Variants in SRBD1 observed in about 807,000 individuals in gnomAD.
SRBD1 encodes the protein S1 RNA binding domain 1.
A neutral mutation model predicts 115.3 loss-of-function variants in SRBD1; 88 were observed. That is an observed-to-expected ratio of 0.76 (90% CI 0.64 to 0.91). SRBD1 has a LOEUF of 0.91. Ranked by LOEUF, SRBD1 falls within the 40% of genes least tolerant of loss-of-function variation. SRBD1 has a pLI of 0.00. For missense variants in SRBD1, 1,385 were observed against 1,177.4 expected (o/e 1.18, Z -2.58); for synonymous variants, 509 against 407.7 (o/e 1.25, Z -2.99).
At chr2:45,414,817 T>TATAGTATGTACACAC (rs1667751007) in intron 18 of SRBD1, among the ~76,000 whole-genome samples, 1 of 133,158 alleles carries the variant, frequency 7.5e-6, no homozygotes, top group Non-Finnish European at 1.6e-5. Context: ...CACACACATA[T>TATAGTATGTACACAC]AGTGTGTATA....
In SRBD1 at chr2:45,601,898, C is replaced by T; in HGVS notation, c.261+5G>A. 6.2e-7 allele frequency: 1 copy of T among 1,613,956 alleles called. No homozygotes were observed. The highest frequency in any genetic ancestry group is 8.5e-7 in the Non-Finnish European group (1 of 1,179,880). ...GAGTTCCCTCTATCCAGCTGTAGCA[C>T]CTACCAGCTCCTCCTTAACAACAAC... On this transcript the variant is annotated splice_donor_5th_base_variant and intron_variant, in intron 3 of 20. Coordinates refer to ENST00000263736, the MANE Select transcript of SRBD1 (RefSeq NM_018079.5).
intron 2 of SRBD1, 69 bp from the exon 3 acceptor site, chr2:45,602,152 C>T: frequency 1.3e-6 from 2 of 1,510,330 alleles, no homozygotes; most frequent in Non-Finnish European, 1.8e-6. Flanking sequence ...AAAAGAGATG[C>T]AAGATTCTTG....
rs375466248 is a variant in SRBD1 at position 45,409,366 on chromosome 2, A to G, written c.2513+3748T>C. 8.6e-4 allele frequency among the ~76,000 whole-genome samples: 131 copies of G among 152,284 alleles called. 1 individual carries two copies. The highest frequency in any genetic ancestry group is 3.1e-3 in the African/African-American group (127 of 41,564). ...TGTGCACATATGCACCTTCTCATCA[A>G]ACACTAAAAATACAATTATTATGGA... On this transcript the variant is annotated intron_variant, in intron 19 of 20. Transcript: ENST00000263736.
At chr2:45,480,246 T>C (rs1669920705) in intron 15 of SRBD1, among the ~76,000 whole-genome samples, 1 of 152,190 alleles carries the variant, frequency 6.6e-6, no homozygotes, top group South Asian at 2.1e-4. Flanking sequence ...TCAAGTCTTA[T>C]TTTTTAAGAA....
intron 16 of SRBD1, among the ~76,000 whole-genome samples, chr2:45,433,955 G>T (rs1207751160): frequency 6.6e-6 from 1 of 152,204 alleles, no homozygotes; most frequent in Non-Finnish European, 1.5e-5. Flanking sequence ...AAGGGCATCA[G>T]CACTGGAAGG....
At chr2:45,465,146 T>A (rs540393075) in intron 16 of SRBD1, among the ~76,000 whole-genome samples, 1 of 152,208 alleles carries the variant, frequency 6.6e-6, no homozygotes, top group African/African-American at 2.4e-5. Context: ...GTGTAGTATT[T>A]GCATTTAACC....
At chr2:45,408,784 T>C (rs1667509712) in intron 19 of SRBD1, among the ~76,000 whole-genome samples, 1 of 152,134 alleles carries the variant, frequency 6.6e-6, no homozygotes, top group Non-Finnish European at 1.5e-5. Flanking sequence ...GTTCAATCAG[T>C]TGATGAAACA....
At chr2:45,461,542 CA>C in intron 16 of SRBD1, among the ~76,000 whole-genome samples, 1 of 152,236 alleles carries the variant, frequency 6.6e-6, no homozygotes, top group East Asian at 1.9e-4. Context: ...ACTCGTTAGA[CA>C]GACAAGTCCC....
At chr2:45,591,013 C>CA (rs777304180) in intron 4 of SRBD1, among the ~76,000 whole-genome samples, 29,902 of 130,076 alleles carry the variant, frequency 0.23, 3,188 homozygotes, top group Non-Finnish European at 0.25. Flanking sequence ...GTGAAACTCT[C>CA]AAAAAAAAAA....
At chr2:45,589,590 C>G (rs910254726) in intron 4 of SRBD1, among the ~76,000 whole-genome samples, 1 of 152,176 alleles carries the variant, frequency 6.6e-6, no homozygotes, top group South Asian at 2.1e-4. Context: ...CCTAAGACAG[C>G]TAAGACTCCA....
intron 14 of SRBD1, 76 bp downstream of exon 14, chr2:45,546,656 A>T: frequency 7.3e-7 from 1 of 1,363,038 alleles, no homozygotes; most frequent in Non-Finnish European, 1.0e-6. Flanking sequence ...TAAAAAGAGA[A>T]GGGAGGATTC....
At chr2:45,573,156 A>G in intron 9 of SRBD1, 51 bp downstream of exon 9, 1 of 1,508,948 alleles carries the variant, frequency 6.6e-7, no homozygotes, top group Non-Finnish European at 8.8e-7. Flanking sequence ...GCAAATCCAA[A>G]ATATTATCAT....
intron 16 of SRBD1, among the ~76,000 whole-genome samples, chr2:45,421,760 C>G (rs1249778920): frequency 1.3e-5 from 2 of 152,014 alleles, no homozygotes; most frequent in African/African-American, 2.4e-5. Context: ...ACATTATTAC[C>G]ATTTAATAAC....
chr2:45,552,886 CATAG>C (rs1672347248), intron 11 of SRBD1, among the ~76,000 whole-genome samples: 1 of 152,198 alleles, frequency 6.6e-6, no homozygotes, highest in Non-Finnish European at 1.5e-5. Flanking sequence ...ACAAGCCCTA[CATAG>C]GCTGCTAAAA....
intron 4 of SRBD1, among the ~76,000 whole-genome samples, chr2:45,587,476 A>C (rs1673583958): frequency 6.6e-6 from 1 of 152,196 alleles, no homozygotes; most frequent in Admixed American, 6.5e-5. Flanking sequence ...AGTAAAGAAC[A>C]AAAGGAGTAC....
At chr2:45,507,341 T>A (rs13025877) in intron 14 of SRBD1, among the ~76,000 whole-genome samples, 123,246 of 152,100 alleles carry the variant, frequency 0.81, 50,649 homozygotes, top group African/African-American at 0.91. Context: ...GGCTAATGAC[T>A]CTCATTTCAA....
chr2:45,479,327 T>C (rs1046087731), intron 15 of SRBD1, among the ~76,000 whole-genome samples: 23 of 152,068 alleles, frequency 1.5e-4, no homozygotes, highest in Non-Finnish European at 3.4e-4. Flanking sequence ...AAAAGACATG[T>C]TGAAAGCCAA....
rs915712726 is a variant in SRBD1 at position 45,413,268 on chromosome 2, T to C, written c.2359A>G (p.Ile787Val). 1.9e-6 allele frequency: 3 copies of C among 1,613,580 alleles called. No homozygotes were observed. Among genetic ancestry groups the C allele is most frequent in the African/African-American group, 2.7e-5 (2 of 74,908 alleles). Residue 787 changes from isoleucine (I) to valine (V), a missense_variant, in exon 19 of 21, where the codon ATT (isoleucine) becomes GTT (valine). By Grantham distance (29) the Ile-to-Val change is conservative. Transcript: ENST00000263736. ...GAAGATGTCACAGCAACTCCTTGAA[T>C]TTGGCCTGAAGTTTCAGTTTGCTGA... Reference protein sequence around the residue: ...CSQQTETSGQIQGVAVTSSAD... With the variant: ...CSQQTETSGQVQGVAVTSSAD...
At chr2:45,587,631 A>G (rs181215702) in intron 4 of SRBD1, among the ~76,000 whole-genome samples, 1 of 152,232 alleles carries the variant, frequency 6.6e-6, no homozygotes, top group African/African-American at 2.4e-5. Context: ...TCAAGACTAC[A>G]TATGAAATAA....
Sources: allele counts gnomAD v4.1 joint callset (sites outside exome capture counted in the v4.1 genomes callset), GRCh38; gene constraint gnomAD v4.1.1; transcripts MANE v1.5; gene names NCBI Gene and HGNC (gene_info 2026-07-23, HGNC 2026-07-21).